Variants in HHAT observed in about 807,000 individuals in gnomAD.
HHAT encodes hedgehog acyltransferase, also known as protein-cysteine N-palmitoyltransferase HHAT.
A neutral mutation model predicts 70.8 loss-of-function variants in HHAT; 47 were observed. That is an observed-to-expected ratio of 0.66 (90% confidence interval 0.53 to 0.85). The LOEUF (loss-of-function observed/expected upper bound fraction) is 0.85, where lower values mean the gene tolerates loss of function less well. HHAT is among the 40% of genes least tolerant of loss of function. The pLI, the probability that HHAT is intolerant of heterozygous loss-of-function variation, is 0.00. For synonymous variants in HHAT, 228 were observed against 247.6 expected (o/e 0.92, Z 0.74); for missense variants, 609 against 604.8 (o/e 1.01, Z -0.07).
chr1:210,611,956 C>T (rs1411354971), intron 10 of HHAT, among the ~76,000 whole-genome samples: 7 of 151,972 alleles, frequency 4.6e-5, no homozygotes, highest in African/African-American at 1.7e-4. Context: ...AGGATATTGA[C>T]CTGAAGTGTT....
intron 11 of HHAT, among the ~76,000 whole-genome samples, chr1:210,653,034 AG>A (rs1558360089): frequency 6.6e-6 from 1 of 152,008 alleles, no homozygotes; most frequent in East Asian, 1.9e-4. Flanking sequence ...AGATTGGAAT[AG>A]ACATAAATGT....
chr1:210,447,835 A>G (rs538097455), intron 7 of HHAT, among the ~76,000 whole-genome samples: 64 of 152,306 alleles, frequency 4.2e-4, no homozygotes, highest in African/African-American at 1.4e-3. Context: ...ATCTGTCTCT[A>G]TGAGCTGGGT....
At chr1:210,542,549 G>A (rs1202180982) in intron 9 of HHAT, among the ~76,000 whole-genome samples, 1 of 151,820 alleles carries the variant, frequency 6.6e-6, no homozygotes, top group Admixed American at 6.6e-5. Flanking sequence ...TGTAATCCCA[G>A]CACTTCGGGA....
intron 6 of HHAT, among the ~76,000 whole-genome samples, chr1:210,416,028 G>T (rs2092710682): frequency 6.6e-6 from 1 of 152,170 alleles, no homozygotes. Context: ...TGGCAAAAGG[G>T]AGAAAGCTGT....
chr1:210,338,613 G>T (rs1372994846), intron 1 of HHAT, among the ~76,000 whole-genome samples: 1 of 152,080 alleles, frequency 6.6e-6, no homozygotes, highest in Non-Finnish European at 1.5e-5. Context: ...ATCTTCTGAG[G>T]TTCGCTATTA....
At chr1:210,564,192 A>G (rs1447729626) in intron 9 of HHAT, among the ~76,000 whole-genome samples, 1 of 150,282 alleles carries the variant, frequency 6.7e-6, no homozygotes, top group African/African-American at 2.5e-5. Context: ...GGAACTCCTG[A>G]CCTCAAGTGA....
At chr1:210,505,721 G>A (rs948535259) in intron 8 of HHAT, among the ~76,000 whole-genome samples, 4 of 152,190 alleles carry the variant, frequency 2.6e-5, no homozygotes, top group African/African-American at 9.7e-5. Context: ...CTAAACAAGC[G>A]TAGTGATAAA....
chr1:210,667,545 G>C (rs973308576), intron 11 of HHAT, among the ~76,000 whole-genome samples: 5 of 152,026 alleles, frequency 3.3e-5, no homozygotes, highest in African/African-American at 1.2e-4. Flanking sequence ...ATTTTCAAAT[G>C]TCAGCTTCAT....
intron 8 of HHAT, among the ~76,000 whole-genome samples, chr1:210,483,104 A>T (rs2094422645): frequency 6.6e-6 from 1 of 152,202 alleles, no homozygotes; most frequent in African/African-American, 2.4e-5. Context: ...CCACCAGTAA[A>T]TGTAACTAAT....
chr1:210,343,706 A>G (rs2086243058), intron 1 of HHAT, among the ~76,000 whole-genome samples: 2 of 152,168 alleles, frequency 1.3e-5, no homozygotes, highest in South Asian at 2.1e-4. Context: ...CTTGCTGTCC[A>G]GGGTGGCTTT....
chr1:210,505,271 G>T (rs1191364152), intron 8 of HHAT, among the ~76,000 whole-genome samples: 7 of 152,102 alleles, frequency 4.6e-5, no homozygotes, highest in Non-Finnish European at 7.4e-5. Context: ...GTATGATATG[G>T]TGCCAGTTAC....
At chr1:210,546,510 G>C (rs916143312) in intron 9 of HHAT, among the ~76,000 whole-genome samples, 1 of 152,218 alleles carries the variant, frequency 6.6e-6, no homozygotes, top group Non-Finnish European at 1.5e-5. Flanking sequence ...TGGTGGTCCA[G>C]TGTGGCTGGG....
chr1:210,575,751 A>T (rs1466817091), intron 9 of HHAT, among the ~76,000 whole-genome samples: 1 of 152,254 alleles, frequency 6.6e-6, no homozygotes, highest in African/African-American at 2.4e-5. Flanking sequence ...CACATGTGTC[A>T]TCAGAACTTT....
At chr1:210,415,129 T>C (rs895294195) in intron 6 of HHAT, among the ~76,000 whole-genome samples, 6 of 152,238 alleles carry the variant, frequency 3.9e-5, no homozygotes, top group Non-Finnish European at 7.3e-5. Context: ...TTTATGCACA[T>C]TGAATAAAAG....
chr1:210,619,498 G>T (rs1358026030), intron 10 of HHAT, among the ~76,000 whole-genome samples: 1 of 152,076 alleles, frequency 6.6e-6, no homozygotes, highest in Non-Finnish European at 1.5e-5. Context: ...GAGGAAAGGG[G>T]GTGCATTTTT....
intron 2 of HHAT, among the ~76,000 whole-genome samples, chr1:210,353,231 C>CG (rs1395114314): frequency 1.3e-5 from 2 of 152,138 alleles, no homozygotes; most frequent in East Asian, 3.9e-4. Flanking sequence ...CCACCACGCC[C>CG]GGCCCCTCTC....
At chr1:210,453,290 A>G (rs1278591670) in intron 7 of HHAT, among the ~76,000 whole-genome samples, 1 of 152,224 alleles carries the variant, frequency 6.6e-6, no homozygotes, top group Non-Finnish European at 1.5e-5. Flanking sequence ...TTCTTGGATT[A>G]GAATCCTAAG....
chr1:210,671,550 C>G (rs1680084937), intron 11 of HHAT, among the ~76,000 whole-genome samples: 1 of 152,182 alleles, frequency 6.6e-6, no homozygotes, highest in Non-Finnish European at 1.5e-5. Context: ...GGAAATCCTC[C>G]TGGATTTGGA....
At chr1:210,371,078 A>G (rs1005418444) in intron 3 of HHAT, among the ~76,000 whole-genome samples, 2 of 152,202 alleles carry the variant, frequency 1.3e-5, no homozygotes, top group Non-Finnish European at 2.9e-5. Flanking sequence ...CTGATGGGTA[A>G]AGAGCCGGCA....
Sources: allele counts gnomAD v4.1 joint callset (sites outside exome capture counted in the v4.1 genomes callset), GRCh38; gene constraint gnomAD v4.1.1; transcripts MANE v1.5; gene names NCBI Gene and HGNC (gene_info 2026-07-23, HGNC 2026-07-21).